IL1RAPL1: variants seen among roughly 807,000 people sequenced by gnomAD.
IL1RAPL1 encodes the protein interleukin 1 receptor accessory protein like 1, also known as interleukin-1 receptor accessory protein-like 1.
Under a neutral mutation model 48.4 loss-of-function variants are expected in IL1RAPL1, and 3 were observed. The observed-to-expected ratio is 0.06, with a 90% confidence interval of 0.03 to 0.16. The LOEUF is 0.16. Among genes scored for constraint, IL1RAPL1 ranks in the 10% least tolerant of loss-of-function variants. IL1RAPL1 has a pLI of 1.00. For synonymous variants in IL1RAPL1, 185 were observed against 187.7 expected (o/e 0.99, Z 0.12); for missense variants, 349 against 530.6 (o/e 0.66, Z 3.36).
intron 5 of IL1RAPL1, among the ~76,000 whole-genome samples, chrX:29,551,619 T>G (rs1921818774): frequency 8.9e-6 from 1 of 111,880 alleles, no homozygotes; most frequent in Admixed American, 9.5e-5. Context: ...AGCATGATGT[T>G]TTGATATTCA....
chrX:29,405,591 C>T (rs1934053489), intron 5 of IL1RAPL1, among the ~76,000 whole-genome samples: 1 of 103,634 alleles, frequency 9.6e-6, no homozygotes, highest in Non-Finnish European at 1.9e-5. Flanking sequence ...TGGTCTCGAT[C>T]TCCTGACCTC....
intron 2 of IL1RAPL1, among the ~76,000 whole-genome samples, chrX:28,838,996 C>A (rs1921295895): frequency 9.0e-6 from 1 of 111,069 alleles, no homozygotes; most frequent in South Asian, 3.7e-4. Flanking sequence ...TATGGCACTA[C>A]ATAATCCTGC....
chrX:29,950,682 T>TC (rs1012837957), intron 9 of IL1RAPL1, among the ~76,000 whole-genome samples: 5 of 105,575 alleles, frequency 4.7e-5, no homozygotes, highest in Non-Finnish European at 9.8e-5. Flanking sequence ...TTTTTTTTTT[T>TC]TTCTTTTTTT....
At chrX:28,595,414 C>T (rs1036398208) in intron 1 of IL1RAPL1, among the ~76,000 whole-genome samples, 1 of 112,368 alleles carries the variant, frequency 8.9e-6, no homozygotes, top group Admixed American at 9.4e-5. Context: ...ATAATAGTGA[C>T]ATTTCTAGAA....
At chrX:29,620,666 G>A (rs1924432340) in intron 5 of IL1RAPL1, among the ~76,000 whole-genome samples, 1 of 112,170 alleles carries the variant, frequency 8.9e-6, no homozygotes, top group South Asian at 3.7e-4. Context: ...GCTGTCAGTT[G>A]ATGGGGGCCG....
intron 3 of IL1RAPL1, among the ~76,000 whole-genome samples, chrX:29,283,867 G>A (rs1932240788): frequency 8.9e-6 from 1 of 112,529 alleles, no homozygotes; most frequent in African/African-American, 3.2e-5. Flanking sequence ...AGAGGTATAT[G>A]CAGTTTGTTT....
At chrX:29,154,752 G>A (rs750941585) in intron 2 of IL1RAPL1, among the ~76,000 whole-genome samples, 9 of 110,723 alleles carry the variant, frequency 8.1e-5, no homozygotes, top group African/African-American at 2.9e-4. Flanking sequence ...TGAAGTTCGT[G>A]GTAAATGAAG....
intron 3 of IL1RAPL1, among the ~76,000 whole-genome samples, chrX:29,328,875 T>C (rs893457287): frequency 2.7e-5 from 3 of 111,045 alleles, no homozygotes; most frequent in East Asian, 5.6e-4. Context: ...CCTCTCATTA[T>C]TTAAATTTAG....
chrX:29,663,472 C>T (rs1176613125), intron 5 of IL1RAPL1, among the ~76,000 whole-genome samples: 2 of 112,128 alleles, frequency 1.8e-5, no homozygotes, highest in Non-Finnish European at 3.8e-5. Context: ...ATGTCTTACT[C>T]ATTCTTTTAT....
intron 5 of IL1RAPL1, among the ~76,000 whole-genome samples, chrX:29,471,114 C>A (rs779507241): frequency 4.7e-4 from 52 of 110,988 alleles, no homozygotes; most frequent in Non-Finnish European, 8.5e-4. Context: ...CGAGAAAGTA[C>A]CTTGGAAAAT....
chrX:29,283,226 T>G lies in IL1RAPL1; in HGVS notation c.362+9T>G. ...TACGCCTGTGTCATCAGGTATCCCT[T>G]TAATTCTATTACTGCTGAATCAAAG... On this transcript the variant is annotated intron_variant, in intron 3 of 10. Transcript: ENST00000378993. 1 of 1,204,361 alleles carries G rather than the reference T, an allele frequency of 8.3e-7. No homozygotes were observed. Among genetic ancestry groups the G allele is most frequent in the Non-Finnish European group, 1.1e-6 (1 of 888,778 alleles).
chrX:29,886,949 G>C (rs1280759458), intron 6 of IL1RAPL1, among the ~76,000 whole-genome samples: 2 of 111,616 alleles, frequency 1.8e-5, no homozygotes, highest in Non-Finnish European at 3.8e-5. Context: ...TTAGCCCTTA[G>C]TTGAGCCCTA....
chrX:28,686,093 A>C (rs2146922467), intron 1 of IL1RAPL1, among the ~76,000 whole-genome samples: 1 of 111,655 alleles, frequency 9.0e-6, no homozygotes, highest in African/African-American at 3.2e-5. Flanking sequence ...ACGTGGCCTA[A>C]ATTTTCTTGG....
chrX:29,306,346 T>C (rs1455177499), intron 3 of IL1RAPL1, among the ~76,000 whole-genome samples: 1 of 108,244 alleles, frequency 9.2e-6, no homozygotes, highest in Non-Finnish European at 1.9e-5. Context: ...CTGGCCAACA[T>C]GGTGAAACCC....
At chrX:29,856,969 G>T (rs187590763) in intron 6 of IL1RAPL1, among the ~76,000 whole-genome samples, 41 of 111,095 alleles carry the variant, frequency 3.7e-4, no homozygotes, top group African/African-American at 1.2e-3. Context: ...AAATCATTAA[G>T]AAAAGATTTG....
At chrX:29,236,794 C>A (rs1162116353) in intron 2 of IL1RAPL1, among the ~76,000 whole-genome samples, 1 of 105,425 alleles carries the variant, frequency 9.5e-6, no homozygotes, top group African/African-American at 3.5e-5. Flanking sequence ...TGGTCTCGAT[C>A]TCCTGACCTC....
chrX:29,632,102 T>C (rs1924793127), intron 5 of IL1RAPL1, among the ~76,000 whole-genome samples: 1 of 111,117 alleles, frequency 9.0e-6, no homozygotes, highest in Non-Finnish European at 1.9e-5. Flanking sequence ...GCCTCAAACA[T>C]GTATTTCCTC....
chrX:28,746,716 A>G (rs1935982886), intron 1 of IL1RAPL1, among the ~76,000 whole-genome samples: 2 of 111,842 alleles, frequency 1.8e-5, no homozygotes, highest in South Asian at 7.4e-4. Context: ...TGCTTTTTAT[A>G]TGTTGTAATA....
intron 5 of IL1RAPL1, among the ~76,000 whole-genome samples, chrX:29,425,582 GTAT>G (rs972361176): frequency 9.0e-6 from 1 of 111,139 alleles, no homozygotes; most frequent in African/African-American, 3.3e-5. Context: ...TTAAAAAAAA[GTAT>G]TATTATTATT....
Sources: allele counts gnomAD v4.1 joint callset (sites outside exome capture counted in the v4.1 genomes callset), GRCh38; gene constraint gnomAD v4.1.1; transcripts MANE v1.5; gene names NCBI Gene and HGNC (gene_info 2026-07-23, HGNC 2026-07-21).